ATP1B1: variants seen among roughly 807,000 people sequenced by gnomAD.
ATP1B1 encodes the protein ATPase Na+/K+ transporting subunit beta 1.
Under a neutral mutation model 39.6 loss-of-function variants are expected in ATP1B1, and 3 were observed. That is an observed-to-expected ratio of 0.08 (90% confidence interval 0.03 to 0.20). The LOEUF is 0.20. Ranked by LOEUF, ATP1B1 falls within the 10% of genes least tolerant of loss-of-function variation. ATP1B1 has a pLI of 1.00. For missense variants in ATP1B1, 216 were observed against 371.1 expected, an observed-to-expected ratio of 0.58 and a Z score of 3.43; for synonymous variants, 139 against 135.0, an observed-to-expected ratio of 1.03 and a Z score of -0.20.
intron 5 of ATP1B1, among the ~76,000 whole-genome samples, chr1:169,130,558 A>G (rs1315016135): frequency 1.3e-5 from 2 of 151,988 alleles, no homozygotes; most frequent in Non-Finnish European, 2.9e-5. Flanking sequence ...GGAGGCCGAG[A>G]TGGGCAGATA....
At position 169,126,879 on chromosome 1, in the gene ATP1B1, C is replaced by T. The variant is rs554631091; in HGVS notation, c.383-345C>T. 3.2e-3 allele frequency among the ~76,000 whole-genome samples: 486 copies of T among 152,308 alleles called. 3 individuals carry two copies. Among genetic ancestry groups the T allele is most frequent in the African/African-American group, 8.1e-3 (335 of 41,576 alleles). On this transcript the variant is annotated intron_variant, in intron 3 of 5. Transcript: ENST00000367815. ...TGTTGACAGTGTGAATGATGCTACT[C>T]ACGCAGTGTGATCCGTCTCCTTTCA...
rs912067800 is a variant in ATP1B1, at chr1:169,131,913, T to C, written c.*358T>C. On this transcript the variant is annotated 3_prime_UTR_variant, in exon 6 of 6. Coordinates refer to ENST00000367815, the MANE Select transcript of ATP1B1 (RefSeq NM_001677.4). The surrounding 1 kb of genome is among the most constrained non-coding windows in gnomAD (Gnocchi z 4.4). ...TGTACAGTACTACAGGTGCATACTC[T>C]GGTCATTTTTCAAGCCATGTTTTAT... is the stretch of plus-strand genomic sequence containing the variant. 2 of 333,158 alleles carry C rather than the reference T, an allele frequency of 6.0e-6. No homozygotes were observed. The highest frequency in any genetic ancestry group is 1.1e-5 in the Non-Finnish European group (2 of 180,008). The allele number at this position is 333,158 out of a possible 1,614,324, so 20.6% of individuals were successfully genotyped here. A position where few individuals can be genotyped will look rare whatever the true frequency, so the allele number is the denominator to read the frequency against.
At chr1:169,110,586 T>TTTG in intron 1 of ATP1B1, 1 of 898,570 alleles carries the variant, frequency 1.1e-6, no homozygotes, top group Non-Finnish European at 1.4e-6. Flanking sequence ...TTTTTTTTTT[T>TTTG]GCTTTTGCAG....
chr1:169,132,160 G>C lies in ATP1B1; in HGVS notation c.*605G>C. 1 of 619,506 alleles carries C rather than the reference G, an allele frequency of 1.6e-6. No homozygotes were observed. The highest frequency in any genetic ancestry group is 3.1e-6 in the Non-Finnish European group (1 of 326,878). The allele number at this position is 619,506 out of a possible 1,614,324, so 38.4% of individuals were successfully genotyped here. On this transcript the variant is annotated 3_prime_UTR_variant, in exon 6 of 6. Transcript: ENST00000367815. ...TTTTTTCCTGGGGGCTGGGGTGGGG[G>C]TTTGTCATGGGGGAACTGCCCTTTA...
At chr1:169,110,793 C>A in intron 1 of ATP1B1, 3 of 778,230 alleles carry the variant, frequency 3.9e-6, no homozygotes, top group Non-Finnish European at 5.3e-6. Flanking sequence ...TAATACAAAC[C>A]AAAGGGAGAG....
chr1:169,114,757 C>T (rs1008336152), intron 2 of ATP1B1, among the ~76,000 whole-genome samples: 1 of 152,106 alleles, frequency 6.6e-6, no homozygotes, highest in Non-Finnish European at 1.5e-5. Context: ...GGTGTGGTAG[C>T]TCATGCCTGT....
intron 1 of ATP1B1, among the ~76,000 whole-genome samples, chr1:169,107,577 T>A (rs1464323847): frequency 6.6e-6 from 1 of 152,024 alleles, no homozygotes; most frequent in African/African-American, 2.4e-5. Context: ...AAAGTCTGGT[T>A]GTTTTCAAGG....
At chr1:169,128,099 C>T (rs1315386264) in intron 4 of ATP1B1, among the ~76,000 whole-genome samples, 1 of 152,080 alleles carries the variant, frequency 6.6e-6, no homozygotes, top group East Asian at 1.9e-4. Flanking sequence ...GAAAATTTAT[C>T]GTTGTTGTCT....
chr1:169,117,476 A>G (rs964156888), intron 2 of ATP1B1, among the ~76,000 whole-genome samples: 12 of 152,314 alleles, frequency 7.9e-5, no homozygotes, highest in African/African-American at 2.9e-4. Context: ...CCACAGAAAA[A>G]CAGATCTTAC....
intron 1 of ATP1B1, among the ~76,000 whole-genome samples, chr1:169,110,126 GT>G (rs1486331159): frequency 6.6e-6 from 1 of 152,034 alleles, no homozygotes; most frequent in East Asian, 1.9e-4. Context: ...TGTTTTGCTT[GT>G]TTTAACAGCT....
intron 4 of ATP1B1, among the ~76,000 whole-genome samples, chr1:169,128,641 T>C (rs182699701): frequency 8.5e-5 from 13 of 152,364 alleles, no homozygotes; most frequent in Admixed American, 3.3e-4. Flanking sequence ...GATATTCATA[T>C]TGCTGGGGAA....
chr1:169,112,424 C>T (rs1426715524), intron 2 of ATP1B1, among the ~76,000 whole-genome samples: 2 of 152,256 alleles, frequency 1.3e-5, no homozygotes, highest in African/African-American at 4.8e-5. Context: ...TGCATAACTT[C>T]CGGGCTCTCA....
intron 1 of ATP1B1, 42 bp from the exon 2 acceptor site, chr1:169,111,328 A>G (rs1268255299): frequency 2.5e-6 from 4 of 1,611,996 alleles, no homozygotes; most frequent in South Asian, 2.2e-5. Flanking sequence ...CATTCTGAGC[A>G]TATGACTGCA....
chr1:169,112,461 T>C (rs964094362), intron 2 of ATP1B1, among the ~76,000 whole-genome samples: 3 of 152,250 alleles, frequency 2.0e-5, no homozygotes, highest in African/African-American at 7.2e-5. Context: ...AAGCTGCTGC[T>C]GAGGGATGGC....
chr1:169,128,762 C>T (rs778858294), intron 4 of ATP1B1, among the ~76,000 whole-genome samples: 1 of 152,196 alleles, frequency 6.6e-6, no homozygotes, highest in South Asian at 2.1e-4. Flanking sequence ...CATTACTCAT[C>T]GTAGACACTG....
chr1:169,116,576 C>T (rs564348269), intron 2 of ATP1B1, among the ~76,000 whole-genome samples: 10 of 152,150 alleles, frequency 6.6e-5, no homozygotes, highest in Middle Eastern at 3.4e-3. Flanking sequence ...AGGGGCCTGG[C>T]GCAGTGGCTC....
chr1:169,125,282 A>AT (rs1177465878), intron 3 of ATP1B1, among the ~76,000 whole-genome samples: 1 of 152,018 alleles, frequency 6.6e-6, no homozygotes, highest in Non-Finnish European at 1.5e-5. Context: ...CCTAGGTACT[A>AT]TTTTTTACTA....
intron 2 of ATP1B1, among the ~76,000 whole-genome samples, chr1:169,123,621 C>T: frequency 6.7e-6 from 1 of 149,958 alleles, no homozygotes; most frequent in East Asian, 1.9e-4. Context: ...CTCTATCTAT[C>T]TATCTATATA....
At chr1:169,117,215 C>G (rs1344936586) in intron 2 of ATP1B1, among the ~76,000 whole-genome samples, 1 of 152,210 alleles carries the variant, frequency 6.6e-6, no homozygotes, top group Admixed American at 6.5e-5. Context: ...TCCCTTCCCA[C>G]CCTCAAATGG....
Sources: allele counts gnomAD v4.1 joint callset (sites outside exome capture counted in the v4.1 genomes callset), GRCh38; gene constraint gnomAD v4.1.1; non-coding constraint Gnocchi (gnomAD v3.1); transcripts MANE v1.5; gene names NCBI Gene and HGNC (gene_info 2026-07-23, HGNC 2026-07-21).